Variants in PPP2R5C observed in about 807,000 individuals in gnomAD.
The protein encoded by PPP2R5C is protein phosphatase 2 regulatory subunit B'gamma.
Under a neutral mutation model 68.9 loss-of-function variants are expected in PPP2R5C, and 7 were observed. That is an observed-to-expected ratio of 0.10 (90% CI 0.06 to 0.19). The LOEUF (loss-of-function observed/expected upper bound fraction) is 0.19. Ranked by LOEUF, PPP2R5C falls within the 10% of genes least tolerant of loss-of-function variation. PPP2R5C has a pLI of 1.00. For synonymous variants in PPP2R5C, 210 were observed against 222.2 expected (o/e 0.95, Z 0.49); for missense variants, 348 against 641.3 (o/e 0.54, Z 4.94).
chr14:101,846,803 G>A (rs2041855671), intron 1 of PPP2R5C, among the ~76,000 whole-genome samples: 1 of 152,134 alleles, frequency 6.6e-6, no homozygotes, highest in Non-Finnish European at 1.5e-5. Context: ...GCCTACCTCT[G>A]GCTTCTTGGT....
At position 101,906,889 on chromosome 14, in the gene PPP2R5C, A is replaced by T. The variant is rs151069590; in HGVS notation, c.1151+360A>T. On this transcript the variant is annotated intron_variant, in intron 10 of 13. Transcript: ENST00000334743. This position sits in a 1 kb window ranked among gnomAD's most constrained non-coding sequence, Gnocchi z 4.0. ...TGGCCACTGCATTCTCGGGGTGTCTATTGAGCTCTGCTGACATGCACCCTG... is the reference window on the plus strand; with the variant it reads ...TGGCCACTGCATTCTCGGGGTGTCTTTTGAGCTCTGCTGACATGCACCCTG... Among the ~76,000 whole-genome samples, 1 of 152,198 alleles carries T rather than the reference A, an allele frequency of 6.6e-6. No homozygotes were observed. Among genetic ancestry groups the T allele is most frequent in the African/African-American group, 2.4e-5 (1 of 41,544 alleles).
intron 2 of PPP2R5C, among the ~76,000 whole-genome samples, chr14:101,772,769 C>G (rs943017346): frequency 1.3e-5 from 2 of 152,140 alleles, no homozygotes; most frequent in African/African-American, 4.8e-5. Context: ...GCACTCCAGC[C>G]TGGGTGACAG....
At chr14:101,812,408 T>C (rs912491621) in intron 1 of PPP2R5C, among the ~76,000 whole-genome samples, 1 of 152,074 alleles carries the variant, frequency 6.6e-6, no homozygotes, top group Non-Finnish European at 1.5e-5. Flanking sequence ...TCGGATGGGG[T>C]GGGCATGCGC....
At chr14:101,874,371 G>T (rs61995294) in intron 2 of PPP2R5C, among the ~76,000 whole-genome samples, 1 of 152,174 alleles carries the variant, frequency 6.6e-6, no homozygotes, top group Non-Finnish European at 1.5e-5. Context: ...ATAGCTGTTC[G>T]CTATAAAATT....
intron 13 of PPP2R5C, among the ~76,000 whole-genome samples, chr14:101,919,618 C>T (rs1342978394): frequency 6.6e-6 from 1 of 152,168 alleles, no homozygotes; most frequent in Non-Finnish European, 1.5e-5. Context: ...GGGAACCTGC[C>T]TGGGAGTTTG....
In PPP2R5C at chr14:101,877,329, GTGTAGAGAGAC is replaced by G. The variant is rs2043846746; in HGVS notation, c.295-4828_295-4818del. On this transcript the variant is annotated intron_variant, in intron 2 of 13. Transcript: ENST00000334743. This position sits in a 1 kb window ranked among gnomAD's most constrained non-coding sequence, Gnocchi z 4.2. ...GGTCCTTCTTCTAGGTGGGAAGAGG[GTGTAGAGAGAC>G]TGTTTCCATGAGGCTGTGCTGCCTT... Among the ~76,000 whole-genome samples the G allele has an allele frequency of 6.6e-6, 1 of 152,136 alleles. No homozygotes were observed. Among genetic ancestry groups the G allele is most frequent in the African/African-American group, 2.4e-5 (1 of 41,430 alleles).
chr14:101,798,141 T>C (rs2038701508), intron 3 of PPP2R5C, among the ~76,000 whole-genome samples: 1 of 151,890 alleles, frequency 6.6e-6, no homozygotes, highest in African/African-American at 2.4e-5. Flanking sequence ...CGTGCTCATA[T>C]AGTTTCCAGT....
In PPP2R5C at chr14:101,917,620, A is replaced by C. The variant is rs546931998; in HGVS notation, c.1327-211A>C. The stretch of plus-strand genomic sequence containing the variant: ...GATGCAGAGGGGTCAGGAGGGGACC[A>C]GCTGCTTTACTGTCTCCACTGAGTG... On this transcript the variant is annotated intron_variant, in intron 12 of 13. Coordinates refer to ENST00000334743, the Ensembl canonical transcript of PPP2R5C. This position sits in a 1 kb window ranked among gnomAD's most constrained non-coding sequence, Gnocchi z 4.4. 1.8e-5 allele frequency: 10 copies of C among 546,702 alleles called. No homozygotes were observed. Among genetic ancestry groups the C allele is most frequent in the Non-Finnish European group, 1.9e-5 (6 of 311,976 alleles). The allele number at this position is 546,702 out of a possible 1,614,324, so 33.9% of individuals were successfully genotyped here. A position where few individuals can be genotyped will look rare whatever the true frequency, so the allele number is the denominator to read the frequency against.
At chr14:101,880,611 C>CTG (rs2044102127) in intron 2 of PPP2R5C, among the ~76,000 whole-genome samples, 1 of 152,068 alleles carries the variant, frequency 6.6e-6, no homozygotes, top group South Asian at 2.1e-4. Flanking sequence ...GCATGGGCAA[C>CTG]GTAGCGAGTT....
intron 3 of PPP2R5C, among the ~76,000 whole-genome samples, chr14:101,792,496 A>G (rs1270945126): frequency 1.3e-5 from 2 of 152,240 alleles, no homozygotes; most frequent in Non-Finnish European, 2.9e-5. Context: ...CTTACCAACC[A>G]GAGATACTTG....
chr14:101,821,452 G>GTGTGT (rs1491578064), intron 1 of PPP2R5C, among the ~76,000 whole-genome samples: 18 of 121,442 alleles, frequency 1.5e-4, no homozygotes, highest in South Asian at 6.2e-4. Context: ...TGGGTGGGTG[G>GTGTGT]GTGTGTGTGT....
chr14:101,884,697 T>C (rs2044380787), intron 5 of PPP2R5C, among the ~76,000 whole-genome samples: 1 of 152,244 alleles, frequency 6.6e-6, no homozygotes, highest in Non-Finnish European at 1.5e-5. Flanking sequence ...GCCAGGGCTC[T>C]GTAGCCAGTG....
At chr14:101,815,950 A>G (rs916364383) in intron 1 of PPP2R5C, among the ~76,000 whole-genome samples, 3 of 152,170 alleles carry the variant, frequency 2.0e-5, no homozygotes, top group Middle Eastern at 3.2e-3. Flanking sequence ...GATTGTAGGC[A>G]TGAGCCACCA....
At chr14:101,807,102 T>TG (rs1033732063), upstream of PPP2R5C, among the ~76,000 whole-genome samples, 10 of 152,152 alleles carry the variant, frequency 6.6e-5, no homozygotes, top group South Asian at 2.1e-4. Context: ...TATAGGGATT[T>TG]GGGGGGGTGG....
chr14:101,873,155 C>T (rs1325488601), intron 2 of PPP2R5C, among the ~76,000 whole-genome samples: 2 of 152,168 alleles, frequency 1.3e-5, no homozygotes, highest in Non-Finnish European at 1.5e-5. Flanking sequence ...ATATCTTTCA[C>T]GTCCACCTAA....
intron 11 of PPP2R5C, among the ~76,000 whole-genome samples, chr14:101,911,029 G>A (rs1285868840): frequency 6.6e-6 from 1 of 152,060 alleles, no homozygotes; most frequent in African/African-American, 2.4e-5. Flanking sequence ...TGTGAACCTG[G>A]GAGGCGGAGC....
At chr14:101,823,919 G>C (rs2040240417) in intron 1 of PPP2R5C, 1 of 1,280,696 alleles carries the variant, frequency 7.8e-7, no homozygotes. Context: ...AAAAACAAGA[G>C]ATGCAGATTC....
intron 2 of PPP2R5C, among the ~76,000 whole-genome samples, chr14:101,774,866 C>T (rs1488350577): frequency 6.6e-6 from 1 of 152,208 alleles, no homozygotes. Context: ...AGTAAATATT[C>T]AAGGCTTCAG....
chr14:101,862,322 T>C (rs2042793636), intron 2 of PPP2R5C, among the ~76,000 whole-genome samples: 1 of 152,196 alleles, frequency 6.6e-6, no homozygotes, highest in Non-Finnish European at 1.5e-5. Flanking sequence ...GAGTGGGATT[T>C]TTAATAGATA....
Sources: allele counts gnomAD v4.1 joint callset (sites outside exome capture counted in the v4.1 genomes callset), GRCh38; gene constraint gnomAD v4.1.1; non-coding constraint Gnocchi (gnomAD v3.1); transcripts MANE v1.5; gene names NCBI Gene and HGNC (gene_info 2026-07-23, HGNC 2026-07-21).